The following CLN8 variants were observed in gnomAD, a reference collection of about 807,000 sequenced individuals.
The protein encoded by CLN8 is CLN8 transmembrane ER and ERGIC protein, also known as protein CLN8.
In CLN8, 14 loss-of-function variants were observed where a neutral mutation model predicts 15.7. That is an observed-to-expected ratio of 0.89 (90% CI 0.59 to 1.39). CLN8 has a LOEUF of 1.39. CLN8 is among the 40% of genes most tolerant of loss of function. The pLI, the probability that CLN8 is intolerant of heterozygous loss-of-function variation, is 0.00. For missense variants in CLN8, 415 were observed against 364.0 expected (o/e 1.14, Z -1.14); for synonymous variants, 188 against 151.0 (o/e 1.25, Z -1.80).
At chr8:1,768,218 A>G (rs1391686964) in intron 1 of CLN8, among the ~76,000 whole-genome samples, 4 of 152,204 alleles carry the variant, frequency 2.6e-5, no homozygotes, top group African/African-American at 7.2e-5. Flanking sequence ...TGCTGGGATT[A>G]CAGGTGTGAG....
At chr8:1,777,628 A>C (rs1056584625) in intron 2 of CLN8, among the ~76,000 whole-genome samples, 1 of 151,852 alleles carries the variant, frequency 6.6e-6, no homozygotes, top group Non-Finnish European at 1.5e-5. Context: ...ACTTTTTTTT[A>C]AATTGTTGAA....
rs1257327513 is a variant in CLN8 at position 1,780,330 on chromosome 8, C to A, written c.624C>A (p.Thr208=). 1.9e-6 allele frequency: 3 copies of A among 1,614,268 alleles called. No homozygotes were observed. Among genetic ancestry groups the A allele is most frequent in the South Asian group, 2.2e-5 (2 of 91,090 alleles). ...TGTTTCACTGCCGCATGGTTCTAAC[C>A]TACCACATGTGGTGGGTGTGTTTCT... ...IHMFHCRMVL[T]YHMWWVCFWH... is the part of the protein sequence containing the mutation. Residue 208 remains threonine, a synonymous_variant, in exon 3 of 3, where the codon ACC becomes ACA. Transcript: ENST00000331222.
chr8:1,767,860 T>C (rs1801131094), intron 1 of CLN8, among the ~76,000 whole-genome samples: 3 of 150,990 alleles, frequency 2.0e-5, no homozygotes, highest in African/African-American at 7.3e-5. Context: ...CGTGCGCCAC[T>C]GCACTCGGCC....
intron 2 of CLN8, among the ~76,000 whole-genome samples, chr8:1,772,638 G>A (rs569083734): frequency 6.6e-6 from 1 of 151,678 alleles, no homozygotes; most frequent in African/African-American, 2.4e-5. Context: ...GTGTGTGTGT[G>A]TGTGTGTGTG....
At chr8:1,764,639 A>T (rs1038598332) in intron 1 of CLN8, 1 of 152,808 alleles carries the variant, frequency 6.5e-6, no homozygotes, top group Non-Finnish European at 1.5e-5. Flanking sequence ...GCGGGGAGGG[A>T]CGCTGGGTAA....
upstream of CLN8, chr8:1,760,443 G>C (rs7460972): frequency 0.81 from 122,474 of 152,110 alleles, 49,547 homozygotes; most frequent in Non-Finnish European, 0.82. Context: ...TTCATTCAGT[G>C]TTCCACACCC....
At chr8:1,768,141 G>A (rs955714165) in intron 1 of CLN8, among the ~76,000 whole-genome samples, 1 of 151,550 alleles carries the variant, frequency 6.6e-6, no homozygotes, top group African/African-American at 2.4e-5. Flanking sequence ...GCAGGGTTTT[G>A]CCGTGTTGGC....
chr8:1,767,170 A>G (rs544269080), intron 1 of CLN8, among the ~76,000 whole-genome samples: 1 of 152,370 alleles, frequency 6.6e-6, no homozygotes, highest in African/African-American at 2.4e-5. Flanking sequence ...AACTAAACTC[A>G]GAGACCCACA....
upstream of CLN8, among the ~76,000 whole-genome samples, chr8:1,754,406 A>T (rs6558526): frequency 6.6e-6 from 1 of 152,212 alleles, no homozygotes; most frequent in Non-Finnish European, 1.5e-5. Context: ...GTAAAAATGA[A>T]GTTTCCCTCT....
intron 2 of CLN8, among the ~76,000 whole-genome samples, chr8:1,778,265 T>C (rs1184355349): frequency 6.6e-6 from 1 of 152,232 alleles, no homozygotes; most frequent in Non-Finnish European, 1.5e-5. Flanking sequence ...TTTGTGACTT[T>C]TGCTTTGGAC....
chr8:1,778,479 C>T (rs1357922672), intron 2 of CLN8, among the ~76,000 whole-genome samples: 2 of 152,224 alleles, frequency 1.3e-5, no homozygotes, highest in South Asian at 2.1e-4. Context: ...GATCCTGCTT[C>T]CTCTGCTCTT....
rs1324882846 is a variant in CLN8, at chr8:1,783,807, C to T, written c.*3240C>T. 1.3e-5 allele frequency: 2 copies of T among 152,222 alleles called. No individual in the cohort carries two copies. The highest frequency in any genetic ancestry group is 4.8e-5 in the African/African-American group (2 of 41,440). 9.4% of individuals were successfully genotyped at this position (152,222 alleles called of 1,614,324 possible). A position where few individuals can be genotyped will look rare whatever the true frequency, so the allele number is the denominator to read the frequency against. Reference sequence around the variant, plus strand: ...TGTTGATTCCACTTCTGTCGAGGAGCTTCGGGGCTCAGAGAGGTGATGACG... The same window carrying T: ...TGTTGATTCCACTTCTGTCGAGGAGTTTCGGGGCTCAGAGAGGTGATGACG... On this transcript the variant is annotated 3_prime_UTR_variant, in exon 3 of 3. Coordinates refer to ENST00000331222, the MANE Select transcript of CLN8 (RefSeq NM_018941.4).
intron 2 of CLN8, among the ~76,000 whole-genome samples, chr8:1,775,300 C>G (rs894571979): frequency 2.0e-5 from 3 of 152,074 alleles, no homozygotes; most frequent in Non-Finnish European, 2.9e-5. Context: ...ATATAAGGGA[C>G]TTGAGCATCC....
chr8:1,773,301 G>A (rs1189016784), intron 2 of CLN8, among the ~76,000 whole-genome samples: 3 of 152,180 alleles, frequency 2.0e-5, no homozygotes, highest in African/African-American at 7.2e-5. Context: ...CGCCAGTACA[G>A]AGCCTCACAG....
rs2130992657 is a variant in CLN8, at chr8:1,771,544, T to C, written c.490T>C (p.Leu164=). The C allele has an allele frequency of 1.9e-6, 3 of 1,614,190 alleles. No individual in the cohort carries two copies. The highest frequency in any genetic ancestry group is 2.5e-6 in the Non-Finnish European group (3 of 1,180,032). The part of the protein sequence containing the change: ...QAGHYLAMTT[L]LLEMSTPFTC... ...TGGCCACTATCTAGCTATGACCACGTTGCTCCTGGAGATGAGCACGCCCTT... is the reference window on the plus strand; with the variant it reads ...TGGCCACTATCTAGCTATGACCACGCTGCTCCTGGAGATGAGCACGCCCTT... Residue 164 remains leucine (L), a synonymous_variant, in exon 2 of 3, where the codon TTG becomes CTG. Transcript: ENST00000331222.
chr8:1,779,055 T>C (rs998303927), intron 2 of CLN8, among the ~76,000 whole-genome samples: 2 of 152,188 alleles, frequency 1.3e-5, no homozygotes, highest in African/African-American at 4.8e-5. Flanking sequence ...CAGTGAATGC[T>C]CTACTGAAAG....
chr8:1,754,896 C>T (rs1432591728), upstream of CLN8, among the ~76,000 whole-genome samples: 1 of 152,206 alleles, frequency 6.6e-6, no homozygotes, highest in Non-Finnish European at 1.5e-5. Flanking sequence ...CAGAAGCAGG[C>T]CGGAAGTTCT....
upstream of CLN8, chr8:1,755,745 C>T (rs1353327016): frequency 6.6e-6 from 1 of 152,232 alleles, no homozygotes; most frequent in Non-Finnish European, 1.5e-5. Flanking sequence ...GTTACACCCT[C>T]TCTTCATGCT....
chr8:1,757,345 C>T (rs1450979140), intron 1 of CLN8, among the ~76,000 whole-genome samples: 7 of 152,192 alleles, frequency 4.6e-5, no homozygotes, highest in Admixed American at 1.3e-4. Context: ...AATGTCCCCA[C>T]GGGAGGGGGC....
Sources: gnomAD v4.1 joint callset for allele counts (sites outside exome capture counted in the v4.1 genomes callset) on GRCh38, gnomAD v4.1.1 for gene constraint, MANE v1.5 for transcripts, NCBI Gene and HGNC (gene_info 2026-07-23, HGNC 2026-07-21) for gene names.